MAP3K4: variants seen among roughly 807,000 people sequenced by gnomAD.
The protein encoded by MAP3K4 is mitogen-activated protein kinase kinase kinase 4.
In MAP3K4, 67 loss-of-function variants were observed where a neutral mutation model predicts 185.6. The ratio of observed to expected loss-of-function variants is 0.36; its 90% CI spans 0.30 to 0.44. The LOEUF (loss-of-function observed/expected upper bound fraction) is 0.44, where lower values mean the gene tolerates loss of function less well. MAP3K4 is among the 20% of genes least tolerant of loss of function. The pLI is 1.00. For missense variants in MAP3K4, 1,551 were observed against 1,995.1 expected (o/e 0.78, Z 4.24); for synonymous variants, 702 against 710.4 (o/e 0.99, Z 0.19).
chr6:161,083,508 G>A (rs1785554900), intron 6 of MAP3K4, among the ~76,000 whole-genome samples: 1 of 152,034 alleles, frequency 6.6e-6, no homozygotes, highest in Non-Finnish European at 1.5e-5. Flanking sequence ...CTTATCAAAC[G>A]CCAAACTAAT....
intron 2 of MAP3K4, among the ~76,000 whole-genome samples, chr6:161,046,794 C>T (rs1045927016): frequency 1.1e-4 from 16 of 150,728 alleles, no homozygotes; most frequent in African/African-American, 3.2e-4. Flanking sequence ...TGTAAATATA[C>T]CCTATTCCAT....
chr6:161,065,455 A>G lies in MAP3K4; in HGVS notation c.1708-5153A>G, dbSNP rs1784663573. ...ACTGGTTTTATTGTAATAATTTGGA[A>G]TGCAAGATCCAGGCCTTTTCTTTAT... On this transcript the variant is annotated intron_variant, in intron 3 of 26. Transcript: ENST00000392142. Among the ~76,000 whole-genome samples, 3 of 152,176 alleles carry G rather than the reference A, an allele frequency of 2.0e-5. No homozygotes were observed. The South Asian group carries it at 6.2e-4, about 32-fold the overall frequency.
At chr6:161,000,291 A>G (rs1781207837) in intron 1 of MAP3K4, among the ~76,000 whole-genome samples, 1 of 152,214 alleles carries the variant, frequency 6.6e-6, no homozygotes, top group Admixed American at 6.5e-5. Context: ...GCATAGCTCT[A>G]CCCAAAATAA....
At position 161,022,470 on chromosome 6, in the gene MAP3K4, C is replaced by G. The variant is rs1280804094; in HGVS notation, c.153-11789C>G. ...CAAAGATGTGAGTCCTAGAGCGGAC[C>G]AGAGAACTGGCTCTCTGAACTGCCA... is the stretch of plus-strand genomic sequence containing the variant. On this transcript the variant is annotated intron_variant, in intron 1 of 26. Transcript: ENST00000392142. This position sits in a 1 kb window ranked among gnomAD's most constrained non-coding sequence, Gnocchi z 4.2. Among the ~76,000 whole-genome samples, 6 of 152,146 alleles carry G rather than the reference C, an allele frequency of 3.9e-5. No individual in the cohort carries two copies. Among genetic ancestry groups the G allele is most frequent in the Admixed American group, 1.3e-4 (2 of 15,270 alleles).
chr6:161,016,656 C>T (rs931973343), intron 1 of MAP3K4, among the ~76,000 whole-genome samples: 13 of 152,184 alleles, frequency 8.5e-5, no homozygotes, highest in Non-Finnish European at 1.3e-4. Context: ...CCTAGACATA[C>T]GAGTTTATAG....
rs1421017177 is a variant in MAP3K4 at position 161,088,453 on chromosome 6, G to A, written c.2823+499G>A. 6.6e-6 allele frequency among the ~76,000 whole-genome samples: 1 copy of A among 152,144 alleles called. No individual in the cohort carries two copies. Among genetic ancestry groups the A allele is most frequent in the Non-Finnish European group, 1.5e-5 (1 of 68,032 alleles). ...TTCAGCTTAGGAACAGTCATGGTGA[G>A]TGTTCATATGCACCTTGAGCTCAGC... On this transcript the variant is annotated intron_variant, in intron 10 of 26. Coordinates refer to ENST00000392142, the MANE Select transcript of MAP3K4 (RefSeq NM_005922.4). This position sits in a 1 kb window ranked among gnomAD's most constrained non-coding sequence, Gnocchi z 4.5.
intron 1 of MAP3K4, among the ~76,000 whole-genome samples, chr6:161,026,795 A>G (rs1782694678): frequency 6.9e-6 from 1 of 144,918 alleles, no homozygotes; most frequent in Non-Finnish European, 1.5e-5. Context: ...CCAGAATTGA[A>G]TTAATTAGTA....
intron 1 of MAP3K4, among the ~76,000 whole-genome samples, chr6:161,016,045 C>T (rs953386164): frequency 4.6e-5 from 7 of 151,976 alleles, no homozygotes; most frequent in African/African-American, 1.5e-4. Context: ...TCTTTGTCAA[C>T]GCGTTGTCTG....
chr6:161,036,197 T>C (rs1783158789), intron 2 of MAP3K4, among the ~76,000 whole-genome samples: 1 of 152,316 alleles, frequency 6.6e-6, no homozygotes, highest in African/African-American at 2.4e-5. Context: ...TAAAATTGTT[T>C]ATTTTATGAA....
Position 161,087,915 on chromosome 6 carries a change from G to A in MAP3K4, c.2784G>A (p.Val928=). ...GTWEAQPVKV[V]PQVETVDTLR... is the part of the protein sequence containing the mutation. ...GGGAGGCACAGCCTGTCAAAGTCGTGCCTCAGGTGGAGACTGTTGACACCC... is the reference window on the plus strand; with the variant it reads ...GGGAGGCACAGCCTGTCAAAGTCGTACCTCAGGTGGAGACTGTTGACACCC... Residue 928 remains valine, a synonymous_variant, in exon 10 of 27, where the codon GTG becomes GTA. Coordinates refer to ENST00000392142, the MANE Select transcript of MAP3K4 (RefSeq NM_005922.4). The surrounding 1 kb of genome is among the most constrained non-coding windows in gnomAD (Gnocchi z 4.9). The A allele has an allele frequency of 6.2e-7, 1 of 1,614,022 alleles. No homozygotes were observed. The highest frequency in any genetic ancestry group is 1.1e-5 in the South Asian group (1 of 91,048).
intron 1 of MAP3K4, among the ~76,000 whole-genome samples, chr6:161,002,964 A>G (rs1035920320): frequency 2.0e-5 from 3 of 152,108 alleles, no homozygotes; most frequent in Non-Finnish European, 2.9e-5. Flanking sequence ...GCATTTTCCT[A>G]TGACAGACAA....
intron 1 of MAP3K4, among the ~76,000 whole-genome samples, chr6:161,026,558 G>A (rs918827262): frequency 6.6e-6 from 1 of 152,040 alleles, no homozygotes; most frequent in African/African-American, 2.4e-5. Context: ...ATTGTTGGAG[G>A]TAGTAGATTT....
In MAP3K4 at chr6:161,087,635, C is replaced by T; in HGVS notation, c.2557-53C>T. ...CTTTCCTAGGTTTGTTTTAAATAAC[C>T]TATTTCTCTAATGTACAGTGTTCCT... is the stretch of plus-strand genomic sequence containing the variant. On this transcript the variant is annotated intron_variant, in intron 9 of 26. Coordinates refer to ENST00000392142, the MANE Select transcript of MAP3K4 (RefSeq NM_005922.4). This position sits in a 1 kb window ranked among gnomAD's most constrained non-coding sequence, Gnocchi z 4.9. The T allele has an allele frequency of 2.5e-6, 4 of 1,584,498 alleles. No homozygotes were observed. The highest frequency in any genetic ancestry group is 1.3e-5 in the African/African-American group (1 of 74,336).
rs368399021 is a variant in MAP3K4, at chr6:161,109,703, G to A, written c.4237-52G>A. 4.5e-5 allele frequency: 72 copies of A among 1,599,154 alleles called. 1 individual carries two copies. The South Asian group carries it at 6.0e-4, about 13-fold the overall frequency. On this transcript the variant is annotated intron_variant, in intron 22 of 26. Transcript: ENST00000392142. The surrounding 1 kb of genome is among the most constrained non-coding windows in gnomAD (Gnocchi z 5.7). ...GAAGTTTTCCAGATTTTTCACTAGCGTACATCTAAGGAAAACCGTAAACAC... is the reference window on the plus strand; with the variant it reads ...GAAGTTTTCCAGATTTTTCACTAGCATACATCTAAGGAAAACCGTAAACAC...
intron 1 of MAP3K4, among the ~76,000 whole-genome samples, chr6:161,033,888 A>G (rs1783040025): frequency 6.6e-6 from 1 of 152,200 alleles, no homozygotes; most frequent in Admixed American, 6.5e-5. Context: ...ACATAAGTAC[A>G]TTTTTAGTTC....
rs1783057817 is a variant in MAP3K4 at position 161,034,281 on chromosome 6, T to G, written c.175T>G (p.Ser59Ala). 6.2e-7 allele frequency: 1 copy of G among 1,613,678 alleles called. No individual in the cohort carries two copies. Among genetic ancestry groups the G allele is most frequent in the East Asian group, 2.2e-5 (1 of 44,874 alleles). Residue 59 changes from serine (S) to alanine (A), a missense_variant, in exon 2 of 27, where the codon TCA becomes GCA. Ser to Ala is a moderately conservative substitution (Grantham distance 99, BLOSUM62 1). Transcript: ENST00000392142. The surrounding 1 kb of genome is among the most constrained non-coding windows in gnomAD (Gnocchi z 4.4). ...AARQEGTLGD[S>A]ACKSPESDLE... ...TAGGCAAGAGGGCACATTGGGAGAT[T>G]CAGCTTGCAAGAGTCCTGAATCTGA...
rs916260308 is a variant in MAP3K4 at position 161,056,779 on chromosome 6, A to G, written c.1707+6800A>G. Among the ~76,000 whole-genome samples the G allele has an allele frequency of 6.6e-6, 1 of 152,188 alleles. No individual in the cohort carries two copies. The highest frequency in any genetic ancestry group is 6.5e-5 in the Admixed American group (1 of 15,286). On this transcript the variant is annotated intron_variant, in intron 3 of 26. Coordinates refer to ENST00000392142, the MANE Select transcript of MAP3K4 (RefSeq NM_005922.4). This position sits in a 1 kb window ranked among gnomAD's most constrained non-coding sequence, Gnocchi z 5.4. ...CCTTCACCTTCCTCAGTGAGGTGGT[A>G]TCATACTTTTGTAATTTAATTAGAT...
chr6:161,011,606 A>G (rs1781845168), intron 1 of MAP3K4, among the ~76,000 whole-genome samples: 1 of 152,222 alleles, frequency 6.6e-6, no homozygotes, highest in Non-Finnish European at 1.5e-5. Context: ...AACCGTCATG[A>G]AAGTTCAACG....
rs536832775 is a variant in MAP3K4, at chr6:161,074,088, G to A, written c.2097+476G>A. ...AGTGTTGAAGATCAACAAGACACTC[G>A]TAGTCTGGTGGGACTAGGCATGGTA... On this transcript the variant is annotated intron_variant, in intron 5 of 26. Coordinates refer to ENST00000392142, the MANE Select transcript of MAP3K4 (RefSeq NM_005922.4). This position sits in a 1 kb window ranked among gnomAD's most constrained non-coding sequence, Gnocchi z 5.0. Among the ~76,000 whole-genome samples, 2 of 152,320 alleles carry A rather than the reference G, an allele frequency of 1.3e-5. No homozygotes were observed. The highest frequency in any genetic ancestry group is 3.9e-4 in the East Asian group (2 of 5,180).
Sources: gnomAD v4.1 joint callset for allele counts (sites outside exome capture counted in the v4.1 genomes callset) on GRCh38, gnomAD v4.1.1 for gene constraint, Gnocchi (gnomAD v3.1) non-coding constraint, MANE v1.5 for transcripts, NCBI Gene and HGNC (gene_info 2026-07-23, HGNC 2026-07-21) for gene names.